TOGARAM1: variants seen among roughly 807,000 people sequenced by gnomAD.
TOGARAM1 encodes TOG array regulator of axonemal microtubules 1, also known as TOG array regulator of axonemal microtubules protein 1.
Under a neutral mutation model 166.6 loss-of-function variants are expected in TOGARAM1, and 100 were observed. That is an observed-to-expected ratio of 0.60 (90% CI 0.51 to 0.71). TOGARAM1 has a LOEUF of 0.71. Among genes scored for constraint, TOGARAM1 ranks in the 30% least tolerant of loss-of-function variants. The pLI is 0.00. For missense variants in TOGARAM1, 2,029 were observed against 2,102.7 expected, an observed-to-expected ratio of 0.96 and a Z score of 0.69; for synonymous variants, 758 against 763.8, an observed-to-expected ratio of 0.99 and a Z score of 0.13.
chr14:44,983,106 C>T (rs894422645), intron 1 of TOGARAM1, among the ~76,000 whole-genome samples: 8 of 152,058 alleles, frequency 5.3e-5, no homozygotes, highest in African/African-American at 1.9e-4. Flanking sequence ...TTAAACATGC[C>T]GACTCTGTGT....
intron 7 of TOGARAM1, among the ~76,000 whole-genome samples, chr14:45,012,432 G>A (rs1400483226): frequency 1.3e-5 from 2 of 152,048 alleles, no homozygotes; most frequent in Non-Finnish European, 2.9e-5. Context: ...GGGAACCACT[G>A]GACATCCCGA....
At chr14:45,050,728 C>T (rs1882322339) in intron 14 of TOGARAM1, among the ~76,000 whole-genome samples, 1 of 152,026 alleles carries the variant, frequency 6.6e-6, no homozygotes, top group South Asian at 2.1e-4. Flanking sequence ...GATTCTCATG[C>T]CTCAGCCTCC....
At chr14:45,048,735 G>A (rs2138964714) in intron 14 of TOGARAM1, among the ~76,000 whole-genome samples, 1 of 151,842 alleles carries the variant, frequency 6.6e-6, no homozygotes, top group East Asian at 1.9e-4. Context: ...CCAGCACTTT[G>A]GGAGTTGGAG....
chr14:44,984,300 A>G (rs1476706884), intron 1 of TOGARAM1, among the ~76,000 whole-genome samples: 1 of 151,982 alleles, frequency 6.6e-6, no homozygotes, highest in Admixed American at 6.6e-5. Flanking sequence ...CATAATAATA[A>G]TAATATTAAA....
chr14:45,044,409 T>G (rs1881877814), intron 12 of TOGARAM1, among the ~76,000 whole-genome samples: 1 of 152,020 alleles, frequency 6.6e-6, no homozygotes, highest in Non-Finnish European at 1.5e-5. Flanking sequence ...GGCATGGTGG[T>G]GTGCATCTGT....
At position 44,964,130 on chromosome 14, in the gene TOGARAM1, A is replaced by C. The variant is rs767177292; in HGVS notation, c.1709A>C (p.Gln570Pro). Residue 570 changes from glutamine (Q) to proline (P), a missense_variant, in exon 1 of 20, where the codon CAG becomes CCG. By Grantham distance (76) the Gln-to-Pro change is moderately conservative. Transcript: ENST00000361462. ...DNGDGVMNAV[Q>P]ARLARKTLPR... Reference sequence around the variant, plus strand: ...GGAGATGGAGTGATGAATGCTGTGCAGGCCAGATTGGCTAGGAAAACCTTA... The same window carrying C: ...GGAGATGGAGTGATGAATGCTGTGCCGGCCAGATTGGCTAGGAAAACCTTA... 1 of 1,614,248 alleles carries C rather than the reference A, an allele frequency of 6.2e-7. No individual in the cohort carries two copies. The highest frequency in any genetic ancestry group is 1.1e-5 in the South Asian group (1 of 91,086).
rs548110007 is a variant in TOGARAM1 at position 45,063,625 on chromosome 14, G to A, written c.4560-2953G>A. ...CTCCTGAGTAGCTGGGACTATAGGC[G>A]CGTGCCACCATGCCCAGCTAATTTT... On this transcript the variant is annotated intron_variant, in intron 16 of 19. Transcript: ENST00000361462. Among the ~76,000 whole-genome samples the A allele has an allele frequency of 5.3e-4, 81 of 151,914 alleles. 1 individual carries two copies. In the South Asian group the frequency reaches 0.016, roughly 30 times the overall value.
intron 1 of TOGARAM1, among the ~76,000 whole-genome samples, chr14:44,973,742 T>A (rs953748515): frequency 4.0e-5 from 6 of 151,746 alleles, no homozygotes; most frequent in African/African-American, 1.4e-4. Context: ...TGTCTTTATT[T>A]TTCTTCACTT....
At chr14:45,002,573 C>T (rs1240789985) in intron 3 of TOGARAM1, among the ~76,000 whole-genome samples, 1 of 152,116 alleles carries the variant, frequency 6.6e-6, no homozygotes, top group Non-Finnish European at 1.5e-5. Flanking sequence ...TCCCAATTTA[C>T]ATATTGTAGT....
intron 18 of TOGARAM1, among the ~76,000 whole-genome samples, chr14:45,070,264 G>A (rs1883321876): frequency 6.6e-6 from 1 of 152,160 alleles, no homozygotes; most frequent in South Asian, 2.1e-4. Context: ...ATATGCAAAT[G>A]GATGGTTCTT....
intron 1 of TOGARAM1, among the ~76,000 whole-genome samples, chr14:44,977,885 A>G (rs1886299276): frequency 6.6e-6 from 1 of 152,000 alleles, no homozygotes; most frequent in African/African-American, 2.4e-5. Flanking sequence ...CCTGAGCTCA[A>G]GCAATCCTCC....
intron 7 of TOGARAM1, among the ~76,000 whole-genome samples, chr14:45,012,770 C>T (rs968906985): frequency 5.9e-5 from 9 of 152,116 alleles, no homozygotes; most frequent in African/African-American, 2.2e-4. Context: ...ATTATAATCA[C>T]CTTCCTAAAA....
intron 11 of TOGARAM1, among the ~76,000 whole-genome samples, chr14:45,036,293 T>C (rs1881435445): frequency 6.6e-6 from 1 of 151,518 alleles, no homozygotes; most frequent in African/African-American, 2.4e-5. Flanking sequence ...ATGGGACAAA[T>C]AGAAAACAAA....
chr14:45,047,945 A>G (rs1041761744), intron 14 of TOGARAM1, among the ~76,000 whole-genome samples: 4 of 151,692 alleles, frequency 2.6e-5, no homozygotes, highest in African/African-American at 9.7e-5. Context: ...AATCCCAGCT[A>G]CCCAGGAGGC....
At chr14:44,967,786 T>C (rs1057143374) in intron 1 of TOGARAM1, among the ~76,000 whole-genome samples, 2 of 152,184 alleles carry the variant, frequency 1.3e-5, no homozygotes, top group Non-Finnish European at 2.9e-5. Context: ...AGACCTCAGA[T>C]GGGAGGAGGT....
At chr14:44,986,583 C>G (rs1351020785) in intron 1 of TOGARAM1, among the ~76,000 whole-genome samples, 1 of 152,088 alleles carries the variant, frequency 6.6e-6, no homozygotes, top group Non-Finnish European at 1.5e-5. Context: ...AGGCATGAGC[C>G]ACCACTCCTG....
At chr14:45,070,566 GCTTA>G (rs1161701686) in intron 18 of TOGARAM1, among the ~76,000 whole-genome samples, 1 of 151,998 alleles carries the variant, frequency 6.6e-6, no homozygotes, top group African/African-American at 2.4e-5. Flanking sequence ...CTTTTCTCTA[GCTTA>G]CTTTTTTGTA....
At chr14:45,063,382 C>T (rs1882986545) in intron 16 of TOGARAM1, among the ~76,000 whole-genome samples, 1 of 151,854 alleles carries the variant, frequency 6.6e-6, no homozygotes, top group Non-Finnish European at 1.5e-5. Context: ...CACCATTTTA[C>T]ATCTCACCAG....
intron 18 of TOGARAM1, among the ~76,000 whole-genome samples, chr14:45,070,190 GAAA>G (rs760002779): frequency 6.6e-6 from 1 of 151,342 alleles, no homozygotes; most frequent in Non-Finnish European, 1.5e-5. Flanking sequence ...TCAAAAAAAA[GAAA>G]AAAAAGATTA....
Sources: gnomAD v4.1 joint callset for allele counts (sites outside exome capture counted in the v4.1 genomes callset) on GRCh38, gnomAD v4.1.1 for gene constraint, MANE v1.5 for transcripts, NCBI Gene and HGNC (gene_info 2026-07-23, HGNC 2026-07-21) for gene names.